The following CFAP54 variants were observed in gnomAD, a reference collection of about 807,000 sequenced individuals.
The protein encoded by CFAP54 is cilia- and flagella-associated protein 54.
In CFAP54, 290 loss-of-function variants were observed where a neutral mutation model predicts 370.4. The observed-to-expected ratio is 0.78, with a 90% CI of 0.71 to 0.86. CFAP54 has a LOEUF of 0.86. Ranked by LOEUF, CFAP54 falls within the 40% of genes least tolerant of loss-of-function variation. The pLI is 0.00. For synonymous variants in CFAP54, 1,206 were observed against 1,236.5 expected (o/e 0.98, Z 0.52); for missense variants, 3,399 against 3,528.7 (o/e 0.96, Z 0.93).
chr12:96,552,336 T>A (rs946372892), intron 15 of CFAP54, among the ~76,000 whole-genome samples: 1 of 151,182 alleles, frequency 6.6e-6, no homozygotes, highest in Non-Finnish European at 1.5e-5. Flanking sequence ...TATTTAGTAA[T>A]AATAATCTTT....
At chr12:96,823,819 G>T (rs1959058263) in intron 65 of CFAP54, among the ~76,000 whole-genome samples, 1 of 152,202 alleles carries the variant, frequency 6.6e-6, no homozygotes, top group African/African-American at 2.4e-5. Context: ...CCTAGGACAA[G>T]GTAGGGGCAG....
At chr12:96,671,400 T>C (rs1207001615) in intron 39 of CFAP54, among the ~76,000 whole-genome samples, 6 of 152,232 alleles carry the variant, frequency 3.9e-5, no homozygotes, top group African/African-American at 7.2e-5. Context: ...GTTTTTTTTG[T>C]GTGTTTATTG....
At chr12:96,521,513 T>C (rs1955315112) in intron 6 of CFAP54, among the ~76,000 whole-genome samples, 1 of 80,102 alleles carries the variant, frequency 1.2e-5, no homozygotes, top group African/African-American at 4.9e-5. Context: ...CGTGTGTGTG[T>C]GTGTGTGTGT....
chr12:96,757,004 A>G (rs1175225767), intron 57 of CFAP54, among the ~76,000 whole-genome samples: 1 of 152,232 alleles, frequency 6.6e-6, no homozygotes, highest in East Asian at 1.9e-4. Context: ...AACTGCACTG[A>G]TCCAGGTGCA....
Position 96,649,882 on chromosome 12 carries a change from G to C in CFAP54, c.4691-9G>C, listed in dbSNP as rs756665113. On this transcript the variant is annotated splice_polypyrimidine_tract_variant and intron_variant, in intron 34 of 67. Transcript: ENST00000524981. Reference sequence around the variant, plus strand: ...TTTAATCATGTCATATCTTATTTTTGTACTGTAGATGCTGAAGAATTTTCT... The same window carrying C: ...TTTAATCATGTCATATCTTATTTTTCTACTGTAGATGCTGAAGAATTTTCT... 12 of 1,550,984 alleles carry C rather than the reference G, an allele frequency of 7.7e-6. No individual in the cohort carries two copies. The African/African-American group carries it at 1.5e-4, about 20-fold the overall frequency.
intron 15 of CFAP54, among the ~76,000 whole-genome samples, chr12:96,553,257 G>T (rs1450239054): frequency 6.6e-6 from 1 of 152,034 alleles, no homozygotes; most frequent in African/African-American, 2.4e-5. Context: ...ACATATACCA[G>T]CAGGAATAAG....
At chr12:96,728,749 C>T (rs951653830) in intron 50 of CFAP54, among the ~76,000 whole-genome samples, 5 of 152,246 alleles carry the variant, frequency 3.3e-5, no homozygotes, top group East Asian at 1.9e-4. Context: ...GGAGGAGAGG[C>T]GCTCTGCTTT....
chr12:96,604,781 G>A (rs540341519), intron 26 of CFAP54, among the ~76,000 whole-genome samples: 1 of 152,380 alleles, frequency 6.6e-6, no homozygotes, highest in South Asian at 2.1e-4. Context: ...GACCTGCCAA[G>A]CCAGGCATGG....
Position 96,547,925 on chromosome 12 carries a change from A to G in CFAP54, c.2101A>G (p.Asn701Asp). The change falls in exon 15 of 68, where the codon AAC becomes GAC. Residue 701 changes from asparagine (N) to aspartate (D), a missense_variant. By Grantham distance (23) the Asn-to-Asp change is conservative. Transcript: ENST00000524981. ...AGATGTACCTTTAAGAGAAGGGACT[A>G]ACAAATTCCCTGGAGCTCCAAAAGG... ...SLDVPLREGT[N>D]KFPGAPKGIT... is the part of the protein sequence containing the mutation. 1 of 1,506,240 alleles carries G rather than the reference A, an allele frequency of 6.6e-7. No homozygotes were observed. The highest frequency in any genetic ancestry group is 8.9e-7 in the Non-Finnish European group (1 of 1,127,450). 93.3% of individuals were successfully genotyped at this position (1,506,240 alleles called of 1,614,324 possible). A position where few individuals can be genotyped will look rare whatever the true frequency, so the allele number is the denominator to read the frequency against.
chr12:96,652,773 G>A (rs998884252), intron 36 of CFAP54, among the ~76,000 whole-genome samples: 10 of 152,062 alleles, frequency 6.6e-5, no homozygotes, highest in African/African-American at 2.2e-4. Flanking sequence ...TAAAGAAACA[G>A]GTAGATTGAA....
In CFAP54 at chr12:96,685,111, C is replaced by T. The variant is rs751327593; in HGVS notation, c.5887C>T (p.Pro1963Ser). The change falls in exon 42 of 68, where the codon CCC (proline) becomes TCC (serine). Residue 1963 changes from proline (P) to serine (S), a missense_variant. Transcript: ENST00000524981. ...DVLHTWKEFG[P>S]SLTNVTNSHS... ...GCTACACACGTGGAAAGAATTTGGC[C>T]CCTCACTCACCAATGTCACCAACAG... 1.2e-6 allele frequency: 2 copies of T among 1,614,000 alleles called. No homozygotes were observed. The highest frequency in any genetic ancestry group is 2.2e-5 in the East Asian group (1 of 44,862).
At chr12:96,847,246 C>T (rs1033569538) in intron 66 of CFAP54, among the ~76,000 whole-genome samples, 2 of 151,932 alleles carry the variant, frequency 1.3e-5, no homozygotes, top group African/African-American at 4.8e-5. Flanking sequence ...GTGAGCCGCC[C>T]TCCCTCCCAG....
At chr12:96,779,633 A>G (rs1229870230) in intron 60 of CFAP54, among the ~76,000 whole-genome samples, 1 of 148,802 alleles carries the variant, frequency 6.7e-6, no homozygotes, top group Non-Finnish European at 1.5e-5. Flanking sequence ...TATGAATTAT[A>G]TGTTTATTAT....
chr12:96,786,936 T>G (rs1958635925), intron 62 of CFAP54, 38 bp downstream of exon 62: 3 of 1,361,226 alleles, frequency 2.2e-6, no homozygotes, highest in East Asian at 2.5e-5. Context: ...TACATAAAAC[T>G]TCTTGGAATC....
At chr12:96,654,529 A>C (rs2136508156) in intron 36 of CFAP54, among the ~76,000 whole-genome samples, 1 of 152,186 alleles carries the variant, frequency 6.6e-6, no homozygotes, top group East Asian at 1.9e-4. Context: ...TATGGGGTAC[A>C]TGAGAAAATT....
At chr12:96,625,033 T>G (rs1956535337) in intron 28 of CFAP54, among the ~76,000 whole-genome samples, 1 of 152,172 alleles carries the variant, frequency 6.6e-6, no homozygotes, top group South Asian at 2.1e-4. Context: ...AGCTAAATAG[T>G]AAATTCTCCC....
rs1464178440 is a variant in CFAP54 at position 96,521,378 on chromosome 12, T to C, written c.943-479T>C. Among the ~76,000 whole-genome samples, 3 of 152,324 alleles carry C rather than the reference T, an allele frequency of 2.0e-5. No homozygotes were observed. In the East Asian group the frequency reaches 5.8e-4, roughly 29 times the overall value. On this transcript the variant is annotated intron_variant, in intron 6 of 67. Transcript: ENST00000524981. ...TTATTAAATACAGTGTGCTGCGTAT[T>C]GGAGACACAAAAATGAGTAAGATCC... is the stretch of plus-strand genomic sequence containing the variant.
intron 59 of CFAP54, 76 bp downstream of exon 59, chr12:96,764,325 C>A: frequency 9.0e-7 from 1 of 1,113,124 alleles, no homozygotes; most frequent in South Asian, 1.6e-5. Flanking sequence ...CACAATATAC[C>A]TGTAAAAGAG....
At chr12:96,621,933 G>A (rs1415199196) in intron 27 of CFAP54, among the ~76,000 whole-genome samples, 1 of 109,072 alleles carries the variant, frequency 9.2e-6, no homozygotes, top group Non-Finnish European at 1.7e-5. Flanking sequence ...AATGAAAAAG[G>A]AATCTCTGCT....
Sources: allele counts gnomAD v4.1 joint callset (sites outside exome capture counted in the v4.1 genomes callset), GRCh38; gene constraint gnomAD v4.1.1; transcripts MANE v1.5; gene names NCBI Gene and HGNC (gene_info 2026-07-23, HGNC 2026-07-21).